Variants in NXPE4 observed in about 807,000 individuals in gnomAD.
The protein encoded by NXPE4 is neurexophilin and PC-esterase domain family member 4, also known as NXPE family member 4.
In NXPE4, 42 loss-of-function variants were observed where a neutral mutation model predicts 33.3. That is an observed-to-expected ratio of 1.26 (90% confidence interval 0.98 to 1.63). NXPE4 has a LOEUF of 1.63. Ranked by LOEUF, NXPE4 falls within the 40% of genes most tolerant of loss-of-function variation. The probability of loss-of-function intolerance (pLI) is 0.00; values close to 1 mark genes in which losing one functional copy is unlikely to be tolerated. For synonymous variants in NXPE4, 253 were observed against 234.9 expected (o/e 1.08, Z -0.71); for missense variants, 709 against 647.6 (o/e 1.09, Z -1.03).
At position 114,570,909 on chromosome 11, in the gene NXPE4, A is replaced by T; in HGVS notation, c.*29T>A. ...GACAGTCAATAAATTTTTTTACTTA[A>T]GTGAATGAATTTCAGACTTTTGTGT... On this transcript the variant is annotated 3_prime_UTR_variant, in exon 6 of 6. Coordinates refer to ENST00000375478, the MANE Select transcript of NXPE4 (RefSeq NM_001077639.2). The T allele has an allele frequency of 6.7e-7, 1 of 1,493,742 alleles. No homozygotes were observed. Among genetic ancestry groups the T allele is most frequent in the Admixed American group, 1.9e-5 (1 of 51,318 alleles). 92.5% of individuals were successfully genotyped at this position (1,493,742 alleles called of 1,614,324 possible). A position where few individuals can be genotyped will look rare whatever the true frequency, so the allele number is the denominator to read the frequency against.
the NXPE4 span, among the ~76,000 whole-genome samples, chr11:114,616,753 C>T: frequency 1.2e-4 from 18 of 151,676 alleles, no homozygotes; most frequent in East Asian, 5.8e-4. Context: ...CACGGTTAAC[C>T]GGTGGATAAT....
At chr11:114,635,682 T>G in the NXPE4 span, among the ~76,000 whole-genome samples, 1 of 151,952 alleles carries the variant, frequency 6.6e-6, no homozygotes, top group East Asian at 1.9e-4. Context: ...GAAGTATTGT[T>G]GAATTTTGTC....
At chr11:114,639,829 T>C in the NXPE4 span, among the ~76,000 whole-genome samples, 1 of 88,600 alleles carries the variant, frequency 1.1e-5, no homozygotes, top group Non-Finnish European at 2.2e-5. Context: ...ATATAATATA[T>C]ATTATATTAA....
intron 2 of NXPE4, 88 bp from the exon 3 acceptor site, chr11:114,583,109 T>A: frequency 7.3e-7 from 1 of 1,371,796 alleles, no homozygotes; most frequent in Non-Finnish European, 9.9e-7. Flanking sequence ...GCTATGAAAT[T>A]AACATGTTCC....
In NXPE4 at chr11:114,589,955, C is replaced by T. The variant is rs113885935; in HGVS notation, c.96+4709G>A. Among the ~76,000 whole-genome samples the T allele has an allele frequency of 1.6e-3, 250 of 152,282 alleles. 1 individual carries two copies. Among genetic ancestry groups the T allele is most frequent in the African/African-American group, 5.7e-3 (237 of 41,560 alleles). On this transcript the variant is annotated intron_variant, in intron 2 of 5. Transcript: ENST00000375478. ...TTGCTAATCCAAATGCCTGAGGGAA[C>T]TAAATGGTTTACAGTCTTAGATTTA...
chr11:114,626,579 G>A, the NXPE4 span, among the ~76,000 whole-genome samples: 11 of 152,144 alleles, frequency 7.2e-5, no homozygotes, highest in African/African-American at 2.7e-4. Context: ...GGAAAAAACA[G>A]AGCAGAAAAA....
the NXPE4 span, among the ~76,000 whole-genome samples, chr11:114,601,248 C>A: frequency 2.0e-5 from 3 of 150,340 alleles, no homozygotes; most frequent in Non-Finnish European, 3.0e-5. Flanking sequence ...CCTTCCCATG[C>A]TCCCTCTTTC....
the NXPE4 span, among the ~76,000 whole-genome samples, chr11:114,612,678 T>C: frequency 6.6e-6 from 1 of 151,220 alleles, no homozygotes; most frequent in Non-Finnish European, 1.5e-5. Context: ...ATACGTGTTG[T>C]CTCATGGGTA....
At chr11:114,653,672 C>T in the NXPE4 span, among the ~76,000 whole-genome samples, 5 of 151,740 alleles carry the variant, frequency 3.3e-5, no homozygotes, top group Non-Finnish European at 5.9e-5. Context: ...GGACTACAGG[C>T]GCCCACCACT....
chr11:114,677,952 C>G, the NXPE4 span, among the ~76,000 whole-genome samples: 2 of 152,082 alleles, frequency 1.3e-5, no homozygotes, highest in Non-Finnish European at 2.9e-5. Flanking sequence ...CTTTTGGATT[C>G]TCTTACCTTG....
the NXPE4 span, among the ~76,000 whole-genome samples, chr11:114,643,774 G>GT: frequency 0.019 from 2,871 of 149,296 alleles, 50 homozygotes; most frequent in Non-Finnish European, 0.033. Flanking sequence ...ACTTAAAGTA[G>GT]TTTTTTTTTT....
At chr11:114,579,038 T>C (rs940331511) in intron 5 of NXPE4, among the ~76,000 whole-genome samples, 2 of 152,166 alleles carry the variant, frequency 1.3e-5, no homozygotes, top group Non-Finnish European at 2.9e-5. Context: ...GGGTAATTTA[T>C]AAGGAAAGGA....
At chr11:114,649,109 A>G in the NXPE4 span, among the ~76,000 whole-genome samples, 1 of 151,644 alleles carries the variant, frequency 6.6e-6, no homozygotes, top group Non-Finnish European at 1.5e-5. Flanking sequence ...TTTCGCCTTC[A>G]GCAAGCACCT....
rs1293370850 is a variant in NXPE4, at chr11:114,582,348, A to G, written c.770T>C (p.Met257Thr). 1.2e-6 allele frequency: 2 copies of G among 1,612,432 alleles called. No homozygotes were observed. Among genetic ancestry groups the G allele is most frequent in the East Asian group, 4.5e-5 (2 of 44,824 alleles). The change falls in exon 3 of 6, where the codon ATG becomes ACG. Residue 257 changes from methionine to threonine, a missense_variant. Coordinates refer to ENST00000375478, the MANE Select transcript of NXPE4 (RefSeq NM_001077639.2). ...AGAAACTTTCTTGTTCTTAGAATAC[A>G]TGTGAGTGAGTGCAGCACAGGGCAT... is the stretch of plus-strand genomic sequence containing the variant. ...QHMPCAALTH[M>T]YSKNKKVSYL...
At chr11:114,667,470 CAAA>C in the NXPE4 span, among the ~76,000 whole-genome samples, 395 of 152,186 alleles carry the variant, frequency 2.6e-3, 1 homozygote, top group African/African-American at 9.2e-3. Context: ...ACTCCACCCT[CAAA>C]GAAGTGGAAC....
intron 1 of NXPE4, among the ~76,000 whole-genome samples, chr11:114,595,298 C>T (rs1294855324): frequency 6.6e-6 from 1 of 152,140 alleles, no homozygotes; most frequent in Admixed American, 6.5e-5. Flanking sequence ...TATTTTAAAA[C>T]ATTTCTTACT....
the NXPE4 span, among the ~76,000 whole-genome samples, chr11:114,636,043 C>A: frequency 1.3e-5 from 2 of 151,906 alleles, no homozygotes; most frequent in Admixed American, 6.6e-5. Context: ...AGGAACGGTA[C>A]CAGTTCCTCC....
At chr11:114,615,223 G>A in the NXPE4 span, among the ~76,000 whole-genome samples, 32 of 152,072 alleles carry the variant, frequency 2.1e-4, no homozygotes, top group East Asian at 1.2e-3. Flanking sequence ...ACTAAGTATC[G>A]CCTCTTGGGT....
chr11:114,656,775 A>G, the NXPE4 span, among the ~76,000 whole-genome samples: 2 of 152,166 alleles, frequency 1.3e-5, no homozygotes, highest in Non-Finnish European at 2.9e-5. Flanking sequence ...TATTTATTAT[A>G]AAATACCCTT....
Sources: allele counts gnomAD v4.1 joint callset (sites outside exome capture counted in the v4.1 genomes callset), GRCh38; gene constraint gnomAD v4.1.1; transcripts MANE v1.5; gene names NCBI Gene and HGNC (gene_info 2026-07-23, HGNC 2026-07-21).